The following LINGO2 variants were observed in gnomAD, a reference collection of about 807,000 sequenced individuals.
LINGO2 encodes leucine rich repeat and Ig domain containing 2.
A neutral mutation model predicts 30.6 loss-of-function variants in LINGO2; 14 were observed. That is an observed-to-expected ratio of 0.46 (90% CI 0.30 to 0.72). The LOEUF (loss-of-function observed/expected upper bound fraction) is 0.72. Among genes scored for constraint, LINGO2 ranks in the 30% least tolerant of loss-of-function variants. The pLI, the probability that LINGO2 is intolerant of heterozygous loss-of-function variation, is 0.07. For synonymous variants in LINGO2, 317 were observed against 288.5 expected (o/e 1.10, Z -1.00); for missense variants, 729 against 751.7 (o/e 0.97, Z 0.35).
intron 1 of LINGO2, among the ~76,000 whole-genome samples, chr9:28,652,380 G>C (rs1828141418): frequency 6.6e-6 from 1 of 152,076 alleles, no homozygotes. Flanking sequence ...GCTTGATACT[G>C]CTTAATCCCA....
intron 4 of LINGO2, among the ~76,000 whole-genome samples, chr9:28,280,311 A>G (rs1006507736): frequency 1.3e-5 from 2 of 152,204 alleles, no homozygotes; most frequent in Non-Finnish European, 2.9e-5. Flanking sequence ...GTCCAACAAG[A>G]GAGCTAAATA....
intron 4 of LINGO2, among the ~76,000 whole-genome samples, chr9:28,265,239 GA>G (rs1822707024): frequency 6.6e-6 from 1 of 151,702 alleles, no homozygotes; most frequent in Non-Finnish European, 1.5e-5. Context: ...AACCCTGATG[GA>G]TACATCACCT....
chr9:28,094,252 T>G (rs760115456), intron 4 of LINGO2, among the ~76,000 whole-genome samples: 1 of 152,152 alleles, frequency 6.6e-6, no homozygotes, highest in Non-Finnish European at 1.5e-5. Context: ...GATAAGATGC[T>G]GGAGAAAATT....
chr9:29,188,983 G>T, the LINGO2 span, among the ~76,000 whole-genome samples: 1 of 147,148 alleles, frequency 6.8e-6, no homozygotes, highest in South Asian at 2.2e-4. Context: ...CTCCCTGCCG[G>T]ATGGGGCGGC....
chr9:28,717,561 C>T, the LINGO2 span, among the ~76,000 whole-genome samples: 2 of 151,954 alleles, frequency 1.3e-5, no homozygotes, highest in East Asian at 1.9e-4. Context: ...CTCTCCCACA[C>T]ACTCAAGAGC....
intron 2 of LINGO2, among the ~76,000 whole-genome samples, chr9:28,456,976 T>C (rs1824875248): frequency 6.6e-6 from 1 of 152,174 alleles, no homozygotes; most frequent in African/African-American, 2.4e-5. Flanking sequence ...CTCCAGAACT[T>C]GGAAGCAAGA....
chr9:28,816,024 T>C, the LINGO2 span, among the ~76,000 whole-genome samples: 1 of 152,140 alleles, frequency 6.6e-6, no homozygotes, highest in African/African-American at 2.4e-5. Flanking sequence ...TGCTACAGCA[T>C]AACATGGTGG....
At chr9:28,166,213 T>C (rs1249698812) in intron 4 of LINGO2, among the ~76,000 whole-genome samples, 1 of 152,130 alleles carries the variant, frequency 6.6e-6, no homozygotes, top group African/African-American at 2.4e-5. Context: ...CAAAAACCCA[T>C]AGCCTTTGTC....
At chr9:28,067,708 G>A (rs1825355324) in intron 4 of LINGO2, among the ~76,000 whole-genome samples, 1 of 152,288 alleles carries the variant, frequency 6.6e-6, no homozygotes, top group African/African-American at 2.4e-5. Context: ...AGCAAAGGAT[G>A]TAACACAACC....
At chr9:28,467,942 A>G (rs1479841754) in intron 2 of LINGO2, among the ~76,000 whole-genome samples, 1 of 152,190 alleles carries the variant, frequency 6.6e-6, no homozygotes, top group African/African-American at 2.4e-5. Flanking sequence ...TATCAAAATA[A>G]TATACAAAAT....
the LINGO2 span, among the ~76,000 whole-genome samples, chr9:29,137,560 T>A: frequency 6.6e-6 from 1 of 152,206 alleles, no homozygotes; most frequent in Non-Finnish European, 1.5e-5. Flanking sequence ...AGTAACTTCA[T>A]GACAAGTGTC....
intron 1 of LINGO2, among the ~76,000 whole-genome samples, chr9:28,584,133 TG>T (rs1299332208): frequency 3.9e-5 from 6 of 152,044 alleles, no homozygotes; most frequent in Non-Finnish European, 1.5e-5. Flanking sequence ...TTTGGTGTTT[TG>T]TTACAGTAGC....
the LINGO2 span, among the ~76,000 whole-genome samples, chr9:28,998,705 A>C: frequency 1.3e-5 from 2 of 152,122 alleles, no homozygotes; most frequent in Non-Finnish European, 2.9e-5. Flanking sequence ...AGAGAACTCA[A>C]CATGATCTTG....
At chr9:28,685,039 A>G in the LINGO2 span, among the ~76,000 whole-genome samples, 1 of 152,106 alleles carries the variant, frequency 6.6e-6, no homozygotes, top group South Asian at 2.1e-4. Context: ...GTGTCCATGT[A>G]TTCTTGTTTA....
chr9:29,211,714 A>C, the LINGO2 span, among the ~76,000 whole-genome samples: 1 of 152,136 alleles, frequency 6.6e-6, no homozygotes, highest in African/African-American at 2.4e-5. Context: ...GAGGAAAAGA[A>C]GAGGGTGTGG....
chr9:28,993,180 G>A, the LINGO2 span, among the ~76,000 whole-genome samples: 2 of 151,732 alleles, frequency 1.3e-5, no homozygotes, highest in African/African-American at 4.8e-5. Context: ...ATGATAAAGG[G>A]GATATCACCA....
At chr9:29,126,338 A>T in the LINGO2 span, among the ~76,000 whole-genome samples, 1 of 152,128 alleles carries the variant, frequency 6.6e-6, no homozygotes, top group Non-Finnish European at 1.5e-5. Flanking sequence ...CCTAGATCTG[A>T]GTTTCCCCAT....
chr9:28,684,129 T>A, the LINGO2 span, among the ~76,000 whole-genome samples: 1 of 145,644 alleles, frequency 6.9e-6, no homozygotes. Context: ...TATGCATCAA[T>A]AAATTAAAAA....
exon 2 of LINGO2, chr9:28,476,005 T>C (rs1314168092): frequency 6.6e-6 from 1 of 152,614 alleles, no homozygotes; most frequent in East Asian, 1.9e-4. Flanking sequence ...CTGAGCTTCT[T>C]CTCATAACCC....
Sources: allele counts gnomAD v4.1 joint callset (sites outside exome capture counted in the v4.1 genomes callset), GRCh38; gene constraint gnomAD v4.1.1; transcripts MANE v1.5; gene names NCBI Gene and HGNC (gene_info 2026-07-23, HGNC 2026-07-21).